TFG: variants seen among roughly 807,000 people sequenced by gnomAD.
TFG encodes the protein protein TFG.
TFG carries 22 observed loss-of-function variants against 51.4 expected under a neutral mutation model. The ratio of observed to expected loss-of-function variants is 0.43; its 90% CI spans 0.31 to 0.61. The LOEUF (loss-of-function observed/expected upper bound fraction) is 0.61, where lower values mean the gene tolerates loss of function less well. Among genes scored for constraint, TFG ranks in the 20% least tolerant of loss-of-function variants. The pLI is 0.12. For synonymous variants in TFG, 187 were observed against 165.6 expected (o/e 1.13, Z -0.99); for missense variants, 419 against 487.7 (o/e 0.86, Z 1.33).
rs1040225248 is a variant in TFG at position 100,747,497 on chromosome 3, T to A, written c.821-652T>A. On this transcript the variant is annotated intron_variant, in intron 7 of 7. Transcript: ENST00000240851. ...GATAAAAGTTTTCAGTGAAGCAGAC[T>A]TTCGTTGTAAAAAAAATTACATCCT... 3 of 152,674 alleles carry A rather than the reference T, an allele frequency of 2.0e-5. 1 individual carries two copies. The allele number at this position is 152,674 out of a possible 1,614,324, so 9.5% of individuals were successfully genotyped here.
At chr3:100,731,565 T>C (rs888066178) in intron 4 of TFG, among the ~76,000 whole-genome samples, 5 of 152,168 alleles carry the variant, frequency 3.3e-5, no homozygotes, top group African/African-American at 4.8e-5. Context: ...ACTTATAGTA[T>C]CATATAATTA....
chr3:100,718,746 C>T (rs984898943), intron 2 of TFG, among the ~76,000 whole-genome samples: 2 of 151,782 alleles, frequency 1.3e-5, no homozygotes, highest in South Asian at 2.1e-4. Flanking sequence ...TTAGTAGAGA[C>T]GGAGTTTCTC....
chr3:100,728,888 T>G, intron 4 of TFG, 30 bp downstream of exon 4: 1 of 1,541,202 alleles, frequency 6.5e-7, no homozygotes, highest in Non-Finnish European at 8.7e-7. Flanking sequence ...TATTCTGACT[T>G]ATTGTTCTTA....
intron 6 of TFG, chr3:100,743,373 T>C (rs1431175396): frequency 6.6e-6 from 1 of 152,190 alleles, no homozygotes; most frequent in African/African-American, 2.4e-5. Flanking sequence ...TACCTTTTTA[T>C]TTTAGATTCT....
Position 100,736,643 on chromosome 3 carries a change from A to G in TFG, c.648A>G (p.Ala216=). The G allele has an allele frequency of 1.2e-6, 2 of 1,614,008 alleles. No homozygotes were observed. Among genetic ancestry groups the G allele is most frequent in the Admixed American group, 1.7e-5 (1 of 59,946 alleles). ...TPDSIASSSS[A]AHPPGVQPQQ... is the part of the protein sequence containing the mutation. ...ACAGCATTGCTTCCTCCTCCTCAGC[A>G]GCTCACCCACCAGGCGTTCAGCCAC... Residue 216 remains alanine, a synonymous_variant, in exon 6 of 8, where the codon GCA becomes GCG. Transcript: ENST00000240851.
chr3:100,748,115 G>T (rs2095152402), intron 7 of TFG, 34 bp from the exon 8 acceptor site: 3 of 1,586,406 alleles, frequency 1.9e-6, no homozygotes, highest in Non-Finnish European at 2.6e-6. Flanking sequence ...TTTACTAAAA[G>T]ATAAGATACA....
intron 5 of TFG, among the ~76,000 whole-genome samples, chr3:100,735,202 C>CT (rs2095103145): frequency 6.6e-6 from 1 of 152,126 alleles, no homozygotes; most frequent in African/African-American, 2.4e-5. Context: ...ATCAGTCTCT[C>CT]TTGCATTACC....
rs571333036 is a variant in TFG, at chr3:100,739,460, A to G, written c.721+2744A>G. Among the ~76,000 whole-genome samples, 8 of 152,294 alleles carry G rather than the reference A, an allele frequency of 5.3e-5. No homozygotes were observed. In the East Asian group the frequency reaches 1.5e-3, roughly 29 times the overall value. On this transcript the variant is annotated intron_variant, in intron 6 of 7. Coordinates refer to ENST00000240851, the MANE Select transcript of TFG (RefSeq NM_006070.6). ...AGCCAGTGCCTGTTACAGGAAGACTATGTGATGTTGCCAGAAATGTAACTG... is the reference window on the plus strand; with the variant it reads ...AGCCAGTGCCTGTTACAGGAAGACTGTGTGATGTTGCCAGAAATGTAACTG...
chr3:100,713,612 GTTGT>G (rs1327670724), intron 1 of TFG, 27 bp from the exon 2 acceptor site: 136 of 1,105,610 alleles, frequency 1.2e-4, no homozygotes, highest in Non-Finnish European at 1.7e-4. Flanking sequence ...GGTATGTTTT[GTTGT>G]TTAATTATCA....
At chr3:100,730,348 A>G (rs1407724758) in intron 4 of TFG, among the ~76,000 whole-genome samples, 1 of 152,076 alleles carries the variant, frequency 6.6e-6, no homozygotes, top group Non-Finnish European at 1.5e-5. Context: ...TATATTTTTT[A>G]TACATACTGT....
intron 2 of TFG, among the ~76,000 whole-genome samples, chr3:100,716,807 T>A (rs2095047797): frequency 6.6e-6 from 1 of 152,204 alleles, no homozygotes; most frequent in Admixed American, 6.5e-5. Context: ...ATTTTGAGCA[T>A]TTTTTCATAT....
At chr3:100,739,722 C>T (rs1416800841) in intron 6 of TFG, among the ~76,000 whole-genome samples, 1 of 152,020 alleles carries the variant, frequency 6.6e-6, no homozygotes, top group Admixed American at 6.6e-5. Flanking sequence ...CATTTTTTCC[C>T]CACTGCACCC....
intron 5 of TFG, among the ~76,000 whole-genome samples, chr3:100,736,273 A>G (rs1576372333): frequency 6.6e-6 from 1 of 152,104 alleles, no homozygotes; most frequent in Admixed American, 6.6e-5. Flanking sequence ...TGCAGAATAC[A>G]TTGCTTGGAG....
intron 2 of TFG, among the ~76,000 whole-genome samples, chr3:100,717,904 G>C (rs13318793): frequency 0.03 from 4,530 of 151,978 alleles, 185 homozygotes; most frequent in African/African-American, 0.092. Flanking sequence ...GCTAGTACTT[G>C]CTTAACTGTC....
At chr3:100,737,632 T>G (rs1217501273) in intron 6 of TFG, among the ~76,000 whole-genome samples, 1 of 152,210 alleles carries the variant, frequency 6.6e-6, no homozygotes, top group Non-Finnish European at 1.5e-5. Flanking sequence ...AGTGGTATAA[T>G]GTATTTCCAG....
At chr3:100,715,769 A>G (rs1403055415) in intron 2 of TFG, among the ~76,000 whole-genome samples, 1 of 151,220 alleles carries the variant, frequency 6.6e-6, no homozygotes, top group East Asian at 1.9e-4. Context: ...CATCCAGGCT[A>G]CAGTGCAGTG....
At chr3:100,718,018 G>C (rs1386927943) in intron 2 of TFG, among the ~76,000 whole-genome samples, 1 of 152,056 alleles carries the variant, frequency 6.6e-6, no homozygotes, top group African/African-American at 2.4e-5. Flanking sequence ...TTGAACTCCT[G>C]GGCTCAAGCA....
chr3:100,712,851 G>T (rs781399393), intron 1 of TFG, among the ~76,000 whole-genome samples: 33 of 152,162 alleles, frequency 2.2e-4, no homozygotes, highest in Non-Finnish European at 4.1e-4. Context: ...ACTTGATAAG[G>T]AATCTGAATC....
intron 7 of TFG, 148 bp from the exon 8 acceptor site, chr3:100,747,998 ATAT>A (rs1286000668): frequency 4.1e-6 from 3 of 731,162 alleles, no homozygotes; most frequent in Admixed American, 2.9e-5. Context: ...TGGTCTTGAA[ATAT>A]TATGTGATGG....
Sources: allele counts gnomAD v4.1 joint callset (sites outside exome capture counted in the v4.1 genomes callset), GRCh38; gene constraint gnomAD v4.1.1; transcripts MANE v1.5; gene names NCBI Gene and HGNC (gene_info 2026-07-23, HGNC 2026-07-21).